The following CDKAL1 variants were observed in gnomAD, a reference collection of about 807,000 sequenced individuals.
CDKAL1 encodes the protein threonylcarbamoyladenosine tRNA methylthiotransferase.
CDKAL1 carries 32 observed loss-of-function variants against 68.2 expected under a neutral mutation model. The observed-to-expected ratio is 0.47, with a 90% CI of 0.35 to 0.63. CDKAL1 has a LOEUF of 0.63. Ranked by LOEUF, CDKAL1 falls within the 30% of genes least tolerant of loss-of-function variation. The pLI is 0.00. For synonymous variants in CDKAL1, 234 were observed against 244.3 expected (o/e 0.96, Z 0.39); for missense variants, 606 against 696.7 (o/e 0.87, Z 1.47).
At chr6:20,683,644 C>T (rs1282995548) in intron 5 of CDKAL1, among the ~76,000 whole-genome samples, 1 of 152,154 alleles carries the variant, frequency 6.6e-6, no homozygotes, top group African/African-American at 2.4e-5. Context: ...CACATATCTG[C>T]AGCCTCTCCC....
intron 4 of CDKAL1, among the ~76,000 whole-genome samples, chr6:20,614,056 C>G (rs1766773299): frequency 6.6e-6 from 1 of 152,052 alleles, no homozygotes; most frequent in African/African-American, 2.4e-5. Context: ...GCATTTCTTA[C>G]AAGGGTGATT....
intron 12 of CDKAL1, among the ~76,000 whole-genome samples, chr6:21,105,902 C>T (rs1238615373): frequency 6.6e-6 from 1 of 152,172 alleles, no homozygotes; most frequent in Non-Finnish European, 1.5e-5. Flanking sequence ...AATATCTGTT[C>T]TAAAAACATT....
chr6:21,056,641 A>G (rs560733233), intron 11 of CDKAL1, among the ~76,000 whole-genome samples: 6 of 152,252 alleles, frequency 3.9e-5, no homozygotes, highest in African/African-American at 1.4e-4. Context: ...CCCATTCAGT[A>G]TGATATTGGC....
At chr6:21,195,725 GTC>G (rs1039336414) in intron 13 of CDKAL1, among the ~76,000 whole-genome samples, 4 of 151,348 alleles carry the variant, frequency 2.6e-5, no homozygotes, top group Non-Finnish European at 4.4e-5. Context: ...TACCCAGGCG[GTC>G]TCAAACTCCT....
chr6:20,769,332 C>T lies in CDKAL1; in HGVS notation c.517+10689C>T, dbSNP rs140604724. 4.6e-3 allele frequency among the ~76,000 whole-genome samples: 665 copies of T among 145,050 alleles called. 5 individuals carry two copies. Among genetic ancestry groups the T allele is most frequent in the African/African-American group, 0.016 (617 of 39,174 alleles). The stretch of plus-strand genomic sequence containing the variant: ...GGAGTGCAGTGGTGCGATCTTGGCT[C>T]ACTGCAGCCTCCACCTCCCAGGTTC... On this transcript the variant is annotated intron_variant, in intron 7 of 15. Transcript: ENST00000274695.
rs548877497 is a variant in CDKAL1, at chr6:20,832,523, G to C, written c.639-13552G>C. On this transcript the variant is annotated intron_variant, in intron 8 of 15. Transcript: ENST00000274695. ...GAAAATAAATTAGCCAGGTTTGGTG[G>C]TGCAAGCCTGTATTCCCAGATTCTT... 5.3e-5 allele frequency among the ~76,000 whole-genome samples: 8 copies of C among 151,994 alleles called. No individual in the cohort carries two copies. In the East Asian group the frequency reaches 1.5e-3, roughly 29 times the overall value.
intron 9 of CDKAL1, among the ~76,000 whole-genome samples, chr6:20,872,197 A>G (rs185387213): frequency 1.3e-5 from 2 of 152,328 alleles, no homozygotes; most frequent in East Asian, 1.9e-4. Flanking sequence ...TAGAACAGCA[A>G]TATGAATAAA....
chr6:20,881,875 C>G (rs1336801126), intron 9 of CDKAL1, among the ~76,000 whole-genome samples: 1 of 152,160 alleles, frequency 6.6e-6, no homozygotes, highest in African/African-American at 2.4e-5. Flanking sequence ...CTGCTGCAAT[C>G]AAGATACAGA....
chr6:21,056,115 A>G lies in CDKAL1; in HGVS notation c.1056-8933A>G, dbSNP rs188331601. On this transcript the variant is annotated intron_variant, in intron 11 of 15. Transcript: ENST00000274695. Reference sequence around the variant, plus strand: ...TGTGGTTTTGATTTGCATTTCTCTAATGATCCGTGATGTTGAGCTTTTTTT... The same window carrying G: ...TGTGGTTTTGATTTGCATTTCTCTAGTGATCCGTGATGTTGAGCTTTTTTT... 2.6e-5 allele frequency among the ~76,000 whole-genome samples: 4 copies of G among 152,272 alleles called. No homozygotes were observed. In the East Asian group the frequency reaches 7.7e-4, roughly 29 times the overall value.
At chr6:20,554,951 G>A (rs540663112) in intron 4 of CDKAL1, among the ~76,000 whole-genome samples, 3 of 152,350 alleles carry the variant, frequency 2.0e-5, no homozygotes, top group Admixed American at 6.5e-5. Flanking sequence ...TTGTGGACAT[G>A]CTTACCTAAG....
chr6:21,016,512 CA>C (rs1768341211), intron 11 of CDKAL1, among the ~76,000 whole-genome samples: 1 of 152,090 alleles, frequency 6.6e-6, no homozygotes, highest in African/African-American at 2.4e-5. Flanking sequence ...CTCTGGCAGG[CA>C]GTCTTTCATC....
intron 4 of CDKAL1, among the ~76,000 whole-genome samples, chr6:20,581,400 C>T (rs1765138662): frequency 1.3e-5 from 2 of 152,116 alleles, no homozygotes; most frequent in Non-Finnish European, 2.9e-5. Flanking sequence ...GAAATGAAGT[C>T]CTGTCTTTCA....
chr6:20,920,598 T>C lies in CDKAL1; in HGVS notation c.743-34821T>C, dbSNP rs1042878492. ...ATTCTTTGTTCACTGTATACAGAAT[T>C]AACTAAATCAAAATCATGTTTATTG... On this transcript the variant is annotated intron_variant, in intron 9 of 15. Coordinates refer to ENST00000274695, the MANE Select transcript of CDKAL1 (RefSeq NM_017774.3). 3.3e-5 allele frequency among the ~76,000 whole-genome samples: 5 copies of C among 152,246 alleles called. 1 individual carries two copies. Among genetic ancestry groups the C allele is most frequent in the Admixed American group, 3.3e-4 (5 of 15,288 alleles).
intron 11 of CDKAL1, among the ~76,000 whole-genome samples, chr6:21,007,270 C>T (rs922571397): frequency 6.6e-6 from 1 of 151,778 alleles, no homozygotes; most frequent in Non-Finnish European, 1.5e-5. Context: ...AAAACCCCAT[C>T]TCTACAAAAA....
intron 7 of CDKAL1, among the ~76,000 whole-genome samples, chr6:20,774,233 A>C (rs765179264): frequency 2.0e-5 from 3 of 152,214 alleles, no homozygotes; most frequent in Non-Finnish European, 2.9e-5. Context: ...AAACAATAGG[A>C]GTCCAAGTTG....
chr6:20,937,458 A>G lies in CDKAL1; in HGVS notation c.743-17961A>G, dbSNP rs532861583. 2.0e-5 allele frequency among the ~76,000 whole-genome samples: 3 copies of G among 152,312 alleles called. No individual in the cohort carries two copies. The South Asian group carries it at 6.2e-4, about 32-fold the overall frequency. On this transcript the variant is annotated intron_variant, in intron 9 of 15. Transcript: ENST00000274695. Reference sequence around the variant, plus strand: ...AGAAACTTAACGTTGGTAAAATACTATTATGTAATCTGCAGACCCTATCCA... The same window carrying G: ...AGAAACTTAACGTTGGTAAAATACTGTTATGTAATCTGCAGACCCTATCCA...
At chr6:21,149,993 G>A (rs9368282) in intron 13 of CDKAL1, among the ~76,000 whole-genome samples, 54,457 of 151,804 alleles carry the variant, frequency 0.36, 10,053 homozygotes, top group African/African-American at 0.46. Flanking sequence ...AAGTAGCTGG[G>A]ACTACAGGCG....
intron 13 of CDKAL1, among the ~76,000 whole-genome samples, chr6:21,156,289 T>C (rs1338002189): frequency 6.6e-6 from 1 of 151,858 alleles, no homozygotes; most frequent in African/African-American, 2.4e-5. Flanking sequence ...CTGGGCATGG[T>C]AGCTTGTGCC....
At chr6:20,731,117 G>C (rs753677647) in intron 5 of CDKAL1, among the ~76,000 whole-genome samples, 1 of 152,144 alleles carries the variant, frequency 6.6e-6, no homozygotes, top group Non-Finnish European at 1.5e-5. Flanking sequence ...GGAAAGAGTA[G>C]GAGAAGATAA....
Sources: allele counts gnomAD v4.1 joint callset (sites outside exome capture counted in the v4.1 genomes callset), GRCh38; gene constraint gnomAD v4.1.1; transcripts MANE v1.5; gene names NCBI Gene and HGNC (gene_info 2026-07-23, HGNC 2026-07-21).